SLC4A4: variants seen among roughly 807,000 people sequenced by gnomAD.
The protein encoded by SLC4A4 is electrogenic sodium bicarbonate cotransporter 1.
A neutral mutation model predicts 111.5 loss-of-function variants in SLC4A4; 27 were observed. The observed-to-expected ratio is 0.24, with a 90% CI of 0.18 to 0.33. The LOEUF is 0.33. SLC4A4 is among the 10% of genes least tolerant of loss of function. SLC4A4 has a pLI of 1.00. For synonymous variants in SLC4A4, 443 were observed against 463.4 expected (o/e 0.96, Z 0.57); for missense variants, 909 against 1,315.5 (o/e 0.69, Z 4.78).
chr4:71,532,164 A>G lies in SLC4A4; in HGVS notation c.2269A>G (p.Ser757Gly). The G allele has an allele frequency of 6.3e-7, 1 of 1,588,960 alleles. No individual in the cohort carries two copies. Among genetic ancestry groups the G allele is most frequent in the Non-Finnish European group, 8.6e-7 (1 of 1,157,260 alleles). Residue 757 changes from serine to glycine, a missense_variant, in exon 17 of 26, where the codon AGT becomes GGT. Physicochemically the swap from Ser to Gly is moderately conservative, Grantham distance 56. This residue lies in a region of SLC4A4 where 264 missense variants were observed against 356.8 expected (regional missense o/e 0.74). Coordinates refer to ENST00000264485, the MANE Select transcript of SLC4A4 (RefSeq NM_001098484.3). The part of the protein sequence containing the change: ...GVDTPKLIVP[S>G]EFKPTSPNRG... ...GGACACCCCAAAACTAATTGTGCCAAGTGAGTTCAAGGTAGGTGAATGTCT... is the reference window on the plus strand; with the variant it reads ...GGACACCCCAAAACTAATTGTGCCAGGTGAGTTCAAGGTAGGTGAATGTCT...
chr4:71,534,196 T>A, intron 17 of SLC4A4, 31 bp from the exon 18 acceptor site: 1 of 1,611,516 alleles, frequency 6.2e-7, no homozygotes, highest in Non-Finnish European at 8.5e-7. Flanking sequence ...ACCTGATAAT[T>A]TTCTGAAAAA....
chr4:71,303,526 C>T (rs940875698), intron 3 of SLC4A4, among the ~76,000 whole-genome samples: 7 of 152,194 alleles, frequency 4.6e-5, no homozygotes, highest in African/African-American at 1.7e-4. Flanking sequence ...TTCATGACTA[C>T]TGTGTTTCAG....
intron 7 of SLC4A4, among the ~76,000 whole-genome samples, chr4:71,399,220 T>G (rs1044813899): frequency 1.3e-5 from 2 of 152,176 alleles, no homozygotes; most frequent in Non-Finnish European, 2.9e-5. Context: ...CAACATATAC[T>G]GAGGGATGAC....
At chr4:71,134,138 A>G (rs1743782776) in intron 2 of SLC4A4, among the ~76,000 whole-genome samples, 1 of 152,218 alleles carries the variant, frequency 6.6e-6, no homozygotes, top group African/African-American at 2.4e-5. Flanking sequence ...CAATCATTAT[A>G]TTTTTATATG....
intron 7 of SLC4A4, among the ~76,000 whole-genome samples, chr4:71,424,376 C>A (rs1341743712): frequency 6.6e-6 from 1 of 151,646 alleles, no homozygotes; most frequent in East Asian, 1.9e-4. Context: ...AATAGGAACA[C>A]TTTTACACTG....
At chr4:71,318,010 A>G (rs929999092) in intron 3 of SLC4A4, among the ~76,000 whole-genome samples, 6 of 152,096 alleles carry the variant, frequency 3.9e-5, no homozygotes, top group Non-Finnish European at 7.4e-5. Context: ...GAAAAAATAG[A>G]AAGCAAGCTG....
chr4:71,443,083 A>ACTCACTCTCTCT (rs1491221930), intron 8 of SLC4A4, among the ~76,000 whole-genome samples: 1 of 31,436 alleles, frequency 3.2e-5, no homozygotes, highest in African/African-American at 1.9e-4. Context: ...AGAGGCCACT[A>ACTCACTCTCTCT]CTCTCTCTCT....
intron 16 of SLC4A4, among the ~76,000 whole-genome samples, chr4:71,530,963 G>C (rs976309698): frequency 1.3e-4 from 20 of 152,088 alleles, no homozygotes; most frequent in Non-Finnish European, 2.9e-4. Context: ...TTAGGAGCAG[G>C]CTTCCTTGTA....
intron 14 of SLC4A4, among the ~76,000 whole-genome samples, chr4:71,475,250 C>G (rs1453124216): frequency 6.6e-6 from 1 of 151,710 alleles, no homozygotes; most frequent in Non-Finnish European, 1.5e-5. Context: ...CTAATGTCAA[C>G]CCCATACCTA....
chr4:71,237,177 C>T (rs1719871522), intron 2 of SLC4A4, among the ~76,000 whole-genome samples: 1 of 152,070 alleles, frequency 6.6e-6, no homozygotes, highest in South Asian at 2.1e-4. Flanking sequence ...ATTTAAAAAA[C>T]TTCAGTCTCT....
At chr4:71,260,344 A>G (rs907925975) in intron 3 of SLC4A4, among the ~76,000 whole-genome samples, 1 of 152,162 alleles carries the variant, frequency 6.6e-6, no homozygotes, top group East Asian at 1.9e-4. Context: ...GATTTTTAAA[A>G]TGTTTTCAGG....
chr4:71,210,441 T>A (rs1015930794), intron 1 of SLC4A4, among the ~76,000 whole-genome samples: 1 of 152,260 alleles, frequency 6.6e-6, no homozygotes, highest in Admixed American at 6.5e-5. Context: ...AAAGTAAATG[T>A]CTTCTCTGAG....
At chr4:71,348,330 C>G (rs1729511399) in intron 4 of SLC4A4, among the ~76,000 whole-genome samples, 1 of 151,568 alleles carries the variant, frequency 6.6e-6, no homozygotes, top group Non-Finnish European at 1.5e-5. Flanking sequence ...CACACACACA[C>G]ACACACACAC....
chr4:71,394,975 A>G (rs953920765), intron 6 of SLC4A4, among the ~76,000 whole-genome samples: 7 of 152,170 alleles, frequency 4.6e-5, no homozygotes, highest in South Asian at 2.1e-4. Flanking sequence ...GGTGCAGTAT[A>G]TATTGCTTGG....
At chr4:71,540,571 C>T (rs1384350825) in intron 18 of SLC4A4, among the ~76,000 whole-genome samples, 2 of 152,114 alleles carry the variant, frequency 1.3e-5, no homozygotes, top group Non-Finnish European at 2.9e-5. Context: ...ATGTATGGAA[C>T]ACTTGTGTTA....
rs143083575 is a variant in SLC4A4, at chr4:71,484,561, G to A, written c.1904-2387G>A. ...TTTGTACCAGTACCATTCTGTTTTT[G>A]TTACTAGAGCCAGGTAGTATAGTTT... On this transcript the variant is annotated intron_variant, in intron 14 of 25. Transcript: ENST00000264485. Among the ~76,000 whole-genome samples, 246 of 151,874 alleles carry A rather than the reference G, an allele frequency of 1.6e-3. 2 individuals carry two copies. The highest frequency in any genetic ancestry group is 0.011 in the East Asian group (55 of 5,132).
chr4:71,226,266 T>G (rs976383657), intron 1 of SLC4A4, among the ~76,000 whole-genome samples: 5 of 152,224 alleles, frequency 3.3e-5, no homozygotes, highest in African/African-American at 1.2e-4. Flanking sequence ...CACCTCAGCC[T>G]TCCTAGTAGC....
At chr4:71,300,212 C>A in intron 3 of SLC4A4, 1 of 182,694 alleles carries the variant, frequency 5.5e-6, no homozygotes, top group Admixed American at 5.4e-5. Flanking sequence ...CTGATGGTGG[C>A]ACCCAATATA....
chr4:71,120,054 T>TA (rs1743373767), intron 2 of SLC4A4, among the ~76,000 whole-genome samples: 1 of 152,218 alleles, frequency 6.6e-6, no homozygotes, highest in African/African-American at 2.4e-5. Context: ...TGAATTTTTT[T>TA]ATCTCTGTGT....
Sources: gnomAD v4.1 joint callset for allele counts (sites outside exome capture counted in the v4.1 genomes callset) on GRCh38, gnomAD v4.1.1 for gene constraint, gnomAD v4.1.1 regional missense constraint, MANE v1.5 for transcripts, NCBI Gene and HGNC (gene_info 2026-07-23, HGNC 2026-07-21) for gene names.